The following HK1 variants were observed in gnomAD, a reference collection of about 807,000 sequenced individuals.
HK1 encodes the protein hexokinase-1.
HK1 carries 28 observed loss-of-function variants against 91.6 expected under a neutral mutation model. The ratio of observed to expected loss-of-function variants is 0.31; its 90% CI spans 0.23 to 0.42. The LOEUF (loss-of-function observed/expected upper bound fraction) is 0.42, where lower values mean the gene tolerates loss of function less well. Among genes scored for constraint, HK1 ranks in the 10% least tolerant of loss-of-function variants. The pLI is 1.00. For missense variants in HK1, 770 were observed against 1,219.8 expected, an observed-to-expected ratio of 0.63 and a Z score of 5.49; for synonymous variants, 430 against 468.1, an observed-to-expected ratio of 0.92 and a Z score of 1.05.
At chr10:69,373,778 A>T (rs1399725446) in intron 7 of HK1, among the ~76,000 whole-genome samples, 7 of 151,212 alleles carry the variant, frequency 4.6e-5, no homozygotes, top group African/African-American at 7.3e-5. Context: ...TTTTATAGAG[A>T]CTGGGTCTCC....
chr10:69,384,905 G>A lies in HK1; in HGVS notation c.1829G>A (p.Ser610Asn), dbSNP rs762347400. The A allele has an allele frequency of 4.3e-6, 7 of 1,614,092 alleles. No individual in the cohort carries two copies. The South Asian group carries it at 7.7e-5, about 18-fold the overall frequency. ...TTCTCATTTCCCTGCCAGCAGACGA[G>A]TCTGGACGCGGTGAGTCTCTGTTCT... Reference protein sequence around the residue: ...FTFSFPCQQTSLDAGILITWT... With the variant: ...FTFSFPCQQTNLDAGILITWT... The change falls in exon 12 of 18, where the codon AGT becomes AAT. Residue 610 changes from serine (S) to asparagine (N), a missense_variant. Physicochemically the swap from Ser to Asn is conservative, Grantham distance 46. Transcript: ENST00000359426.
intron 5 of HK1, among the ~76,000 whole-genome samples, chr10:69,308,165 G>A (rs12247649): frequency 0.022 from 3,313 of 152,140 alleles, 120 homozygotes; most frequent in African/African-American, 0.076. Flanking sequence ...TTAGGAAAGC[G>A]GTTCCCAACC....
chr10:69,382,457 G>A (rs1193528266), intron 9 of HK1, 30 bp from the exon 10 acceptor site: 1 of 1,611,746 alleles, frequency 6.2e-7, no homozygotes. Flanking sequence ...CAGTCCAGCT[G>A]TTGTGGAATG....
In HK1 at chr10:69,277,982, G is replaced by A. The variant is rs561705641; in HGVS notation, c.-390-4547G>A. ...TGGGAGGCGAAGGTTGCAGTGAGCCGAGATTGTGCCATTGCACTCCAGCTT... is the reference window on the plus strand; with the variant it reads ...TGGGAGGCGAAGGTTGCAGTGAGCCAAGATTGTGCCATTGCACTCCAGCTT... On this transcript the variant is annotated intron_variant, in intron 1 of 21. Transcript: ENST00000360289. Among the ~76,000 whole-genome samples, 12 of 151,960 alleles carry A rather than the reference G, an allele frequency of 7.9e-5. No homozygotes were observed. The South Asian group carries it at 1.5e-3, about 18-fold the overall frequency.
Position 69,288,003 on chromosome 10 carries a change from G to A in HK1, c.-214-668G>A, listed in dbSNP as rs956135493. 2.6e-5 allele frequency among the ~76,000 whole-genome samples: 4 copies of A among 151,860 alleles called. No homozygotes were observed. The South Asian group carries it at 8.3e-4, about 32-fold the overall frequency. ...AAAAAAAAAAAAAATTAAAAATTAG[G>A]CTGGCATGGTGGCCCATGCCTGTGG... On this transcript the variant is annotated intron_variant, in intron 2 of 21. Coordinates refer to the HK1 transcript ENST00000360289.
At chr10:69,273,516 TAA>T (rs1416333112) in intron 1 of HK1, among the ~76,000 whole-genome samples, 2 of 152,050 alleles carry the variant, frequency 1.3e-5, no homozygotes, top group East Asian at 3.8e-4. Flanking sequence ...GCTCCCAGCC[TAA>T]CTTTTGTATT....
At chr10:69,383,855 G>A (rs967153480) in intron 10 of HK1, among the ~76,000 whole-genome samples, 7 of 152,240 alleles carry the variant, frequency 4.6e-5, no homozygotes, top group African/African-American at 1.7e-4. Flanking sequence ...GATAGGTTCA[G>A]CTTTGCCTCT....
In HK1 at chr10:69,288,470, G is replaced by A. The variant is rs115796332; in HGVS notation, c.-214-201G>A. Among the ~76,000 whole-genome samples the A allele has an allele frequency of 2.6e-5, 4 of 152,132 alleles. No individual in the cohort carries two copies. The East Asian group carries it at 7.7e-4, about 29-fold the overall frequency. ...ATGGCGCCACTGCATTCTAGTCTGG[G>A]CAACAGAGCAATACTCTGCCTCAAA... On this transcript the variant is annotated intron_variant, in intron 2 of 21. Transcript: ENST00000360289.
At chr10:69,376,611 T>G (rs1839121157) in intron 7 of HK1, among the ~76,000 whole-genome samples, 1 of 152,228 alleles carries the variant, frequency 6.6e-6, no homozygotes, top group Admixed American at 6.5e-5. Context: ...CACATTTCTA[T>G]CTGGGGCCTT....
At chr10:69,382,916 A>G (rs2132886923) in intron 10 of HK1, 125 bp downstream of exon 10, 1 of 835,340 alleles carries the variant, frequency 1.2e-6, no homozygotes, top group East Asian at 2.6e-5. Context: ...CCAGAGCTAG[A>G]AACTCCCTCA....
chr10:69,393,560 G>A (rs1208292753), intron 15 of HK1, among the ~76,000 whole-genome samples: 2 of 152,266 alleles, frequency 1.3e-5, no homozygotes, highest in African/African-American at 4.8e-5. Context: ...GCCTCCCAAA[G>A]TGCTGGGATT....
At chr10:69,303,676 A>G (rs2132508733) in intron 5 of HK1, among the ~76,000 whole-genome samples, 1 of 148,744 alleles carries the variant, frequency 6.7e-6, no homozygotes, top group South Asian at 2.1e-4. Context: ...CTTAAGGGCA[A>G]TCCTGGACAA....
intron 1 of HK1, among the ~76,000 whole-genome samples, chr10:69,337,603 G>T (rs757434437): frequency 4.6e-5 from 7 of 152,234 alleles, no homozygotes; most frequent in Admixed American, 6.5e-5. Flanking sequence ...TTAGCAAAGG[G>T]AAGTGAATTC....
At chr10:69,368,750 C>G in intron 5 of HK1, 119 bp downstream of exon 5, 1 of 784,050 alleles carries the variant, frequency 1.3e-6, no homozygotes, top group South Asian at 1.4e-5. Context: ...AAGACCCAGG[C>G]AGGGGAGAGT....
At chr10:69,379,559 T>TG (rs1019023393) in intron 8 of HK1, among the ~76,000 whole-genome samples, 1 of 152,210 alleles carries the variant, frequency 6.6e-6, no homozygotes, top group African/African-American at 2.4e-5. Flanking sequence ...GAGCCCTGGG[T>TG]GGTGGCAGCC....
At chr10:69,303,868 G>A (rs1227976029) in intron 5 of HK1, among the ~76,000 whole-genome samples, 1 of 152,194 alleles carries the variant, frequency 6.6e-6, no homozygotes, top group East Asian at 1.9e-4. Flanking sequence ...GGAGTTTTAA[G>A]GATAATTTGG....
rs1004530288 is a variant in HK1 at position 69,389,341 on chromosome 10, G to A, written c.2035+45G>A. The A allele has an allele frequency of 4.9e-6, 7 of 1,431,460 alleles. No homozygotes were observed. The African/African-American group carries it at 9.9e-5, about 20-fold the overall frequency. 88.7% of individuals were successfully genotyped at this position (1,431,460 alleles called of 1,614,324 possible). ...TCTTTCCCTGCAGAAGGGAAGGCTG[G>A]GGTTTCCCCGTTTTGTGGGGCCTTG... On this transcript the variant is annotated intron_variant, in intron 14 of 17. Transcript: ENST00000359426.
chr10:69,368,657 C>T, intron 5 of HK1, 26 bp downstream of exon 5: 1 of 1,562,160 alleles, frequency 6.4e-7, no homozygotes, highest in Non-Finnish European at 8.8e-7. Flanking sequence ...CCCTCTGCCT[C>T]AGCCATGCAG....
chr10:69,395,665 A>AAGAGG (rs1840102037), intron 16 of HK1, among the ~76,000 whole-genome samples: 1 of 152,210 alleles, frequency 6.6e-6, no homozygotes, highest in Non-Finnish European at 1.5e-5. Context: ...TTATGTGTGT[A>AAGAGG]AGAGGGCCAT....
Sources: allele counts gnomAD v4.1 joint callset (sites outside exome capture counted in the v4.1 genomes callset), GRCh38; gene constraint gnomAD v4.1.1; transcripts MANE v1.5; gene names NCBI Gene and HGNC (gene_info 2026-07-23, HGNC 2026-07-21).